ZNF638: variants seen among roughly 807,000 people sequenced by gnomAD.
ZNF638 encodes CTCL tumor antigen se33-1.
In ZNF638, 46 loss-of-function variants were observed where a neutral mutation model predicts 195.6. The ratio of observed to expected loss-of-function variants is 0.24; its 90% confidence interval spans 0.19 to 0.30. The LOEUF is 0.30. Among genes scored for constraint, ZNF638 ranks in the 10% least tolerant of loss-of-function variants. The pLI, the probability that ZNF638 is intolerant of heterozygous loss-of-function variation, is 1.00. For synonymous variants in ZNF638, 845 were observed against 772.0 expected (o/e 1.09, Z -1.57); for missense variants, 2,440 against 2,325.3 (o/e 1.05, Z -1.01).
Position 71,427,272 on chromosome 2 carries a change from T to C in ZNF638, c.5403T>C (p.His1801=). The change falls in exon 24 of 28, where the codon CAT becomes CAC. Residue 1801 remains histidine (H), a synonymous_variant. Transcript: ENST00000264447. ...KVELAQSKND[H]PTDKKGNRKK... is the part of the protein sequence containing the mutation. ...AGTTAGCACAAAGCAAAAATGACCA[T>C]CCCACAGATAAAAAAGGGAATAGAA... is the stretch of plus-strand genomic sequence containing the variant. 1 of 1,613,264 alleles carries C rather than the reference T, an allele frequency of 6.2e-7. No individual in the cohort carries two copies. Among genetic ancestry groups the C allele is most frequent in the Admixed American group, 1.7e-5 (1 of 59,906 alleles).
At chr2:71,339,840 C>T (rs759376727) in intron 1 of ZNF638, among the ~76,000 whole-genome samples, 2 of 152,086 alleles carry the variant, frequency 1.3e-5, no homozygotes, top group African/African-American at 4.8e-5. Flanking sequence ...TAACCTGTTA[C>T]ACTTACTAGG....
At chr2:71,340,006 A>G (rs1032647637) in intron 1 of ZNF638, among the ~76,000 whole-genome samples, 5 of 152,166 alleles carry the variant, frequency 3.3e-5, no homozygotes, top group Admixed American at 3.3e-4. Context: ...TCAAAAAATC[A>G]TTTTCCTGAA....
intron 6 of ZNF638, 50 bp from the exon 7 acceptor site, chr2:71,368,332 A>T: frequency 1.3e-6 from 2 of 1,545,526 alleles, no homozygotes; most frequent in Non-Finnish European, 8.8e-7. Context: ...ATTACTGTAC[A>T]TTGTAGCTTA....
chr2:71,434,309 A>C (rs2080724087), intron 27 of ZNF638, among the ~76,000 whole-genome samples: 1 of 152,022 alleles, frequency 6.6e-6, no homozygotes, highest in Non-Finnish European at 1.5e-5. Flanking sequence ...CCAGTTCTTC[A>C]TGTTTTTCGT....
At chr2:71,406,330 A>C (rs978512137) in intron 19 of ZNF638, 68 bp downstream of exon 19, 1 of 1,393,674 alleles carries the variant, frequency 7.2e-7, no homozygotes, top group African/African-American at 1.4e-5. Flanking sequence ...GTATTCTGAC[A>C]ATCTGCAACT....
In ZNF638 at chr2:71,369,919, G is replaced by A; in HGVS notation, c.2179G>A (p.Ala727Thr). Residue 727 changes from alanine to threonine, a missense_variant, in exon 8 of 28, where the codon GCA becomes ACA. Ala to Thr is a moderately conservative substitution (Grantham distance 58). Coordinates refer to ENST00000264447, the MANE Select transcript of ZNF638 (RefSeq NM_014497.5). The part of the protein sequence containing the change: ...LEMEFKEAIT[A>T]IMKYIETTPL... ...AATGGAATTTAAAGAGGCAATTACT[G>A]CAATTATGAAGTACATTGAAACAAC... The A allele has an allele frequency of 1.3e-6, 2 of 1,591,984 alleles. No homozygotes were observed. Among genetic ancestry groups the A allele is most frequent in the Non-Finnish European group, 1.7e-6 (2 of 1,172,482 alleles).
chr2:71,406,325 C>T (rs2080104526), intron 19 of ZNF638, 63 bp downstream of exon 19: 1 of 1,442,668 alleles, frequency 6.9e-7, no homozygotes, highest in African/African-American at 1.4e-5. Context: ...ACCCTGTATT[C>T]TGACAATCTG....
At chr2:71,334,757 A>C (rs2078634044) in intron 1 of ZNF638, among the ~76,000 whole-genome samples, 1 of 151,962 alleles carries the variant, frequency 6.6e-6, no homozygotes, top group Non-Finnish European at 1.5e-5. Flanking sequence ...ATCTCTACTA[A>C]AAATAGAAAA....
At chr2:71,367,549 CCTGCCTT>C (rs1460834119) in intron 6 of ZNF638, among the ~76,000 whole-genome samples, 1 of 151,202 alleles carries the variant, frequency 6.6e-6, no homozygotes, top group Non-Finnish European at 1.5e-5. Context: ...TCTCCTGCCT[CCTGCCTT>C]AGCCTCCTGA....
chr2:71,404,426 T>C (rs901347024), intron 17 of ZNF638, among the ~76,000 whole-genome samples: 3 of 152,292 alleles, frequency 2.0e-5, no homozygotes, highest in South Asian at 4.1e-4. Flanking sequence ...AAACTCTTAC[T>C]GGTCCAGGTA....
rs2080475307 is a variant in ZNF638, at chr2:71,423,597, A to G, written c.4083A>G (p.Ala1361=). ...EKPAENTLFK[A]YPNKGVGQAN... is the part of the protein sequence containing the mutation. ...CTGCAGAAAACACTTTATTCAAGGC[A>G]TACCCAAATAAAGGAGTGGGTCAGG... The change falls in exon 22 of 28, where the codon GCA becomes GCG. Residue 1361 remains alanine, a synonymous_variant. Coordinates refer to ENST00000264447, the MANE Select transcript of ZNF638 (RefSeq NM_014497.5). 1.2e-6 allele frequency: 2 copies of G among 1,614,120 alleles called. No individual in the cohort carries two copies. The highest frequency in any genetic ancestry group is 1.3e-5 in the African/African-American group (1 of 75,070).
At position 71,434,653 on chromosome 2, in the gene ZNF638, TTTAAA is replaced by T. The variant is rs1218864388; in HGVS notation, c.5872-85_5872-81del. ...ATAATATTTTGTAGGATCAGTTTCT[TTTAAA>T]TTATAAATATACAGTAGATAAGTTT... On this transcript the variant is annotated intron_variant, in intron 27 of 27. Transcript: ENST00000264447. 9.1e-6 allele frequency: 10 copies of T among 1,103,298 alleles called. 1 individual carries two copies. Among genetic ancestry groups the T allele is most frequent in the African/African-American group, 8.1e-5 (5 of 61,896 alleles). The allele number at this position is 1,103,298 out of a possible 1,614,324, so 68.3% of individuals were successfully genotyped here. A position where few individuals can be genotyped will look rare whatever the true frequency, so the allele number is the denominator to read the frequency against.
At chr2:71,428,741 A>C in intron 25 of ZNF638, 90 bp downstream of exon 25, 1 of 1,131,164 alleles carries the variant, frequency 8.8e-7, no homozygotes. Flanking sequence ...GAAAAGTAGA[A>C]AATCAGTGGA....
chr2:71,398,158 A>C (rs1373100054), intron 11 of ZNF638, among the ~76,000 whole-genome samples: 2 of 152,170 alleles, frequency 1.3e-5, no homozygotes, highest in Non-Finnish European at 2.9e-5. Context: ...CCCTTATCCA[A>C]AATGGTTGGG....
At chr2:71,346,678 G>A (rs2670752) in intron 1 of ZNF638, among the ~76,000 whole-genome samples, 137,312 of 152,100 alleles carry the variant, frequency 0.9, 62,051 homozygotes, top group Admixed American at 0.93. Context: ...CCATGTGTGT[G>A]TGAGTGCAAA....
intron 1 of ZNF638, among the ~76,000 whole-genome samples, chr2:71,335,370 A>G (rs1390675998): frequency 1.3e-5 from 2 of 152,208 alleles, no homozygotes; most frequent in Non-Finnish European, 2.9e-5. Context: ...CCTAAGGAAC[A>G]TATATTTTGG....
intron 20 of ZNF638, among the ~76,000 whole-genome samples, chr2:71,417,667 T>C (rs911970015): frequency 1.3e-5 from 2 of 152,118 alleles, no homozygotes; most frequent in Non-Finnish European, 2.9e-5. Flanking sequence ...AGGGTTTTTT[T>C]TTTTTTCTCT....
chr2:71,360,623 T>G (rs2079093325), intron 3 of ZNF638, among the ~76,000 whole-genome samples: 1 of 152,138 alleles, frequency 6.6e-6, no homozygotes, highest in Non-Finnish European at 1.5e-5. Flanking sequence ...GTGGTGTTGA[T>G]TTTTTCCTTG....
At chr2:71,428,724 C>T in intron 25 of ZNF638, 73 bp downstream of exon 25, 1 of 1,327,018 alleles carries the variant, frequency 7.5e-7, no homozygotes, top group Non-Finnish European at 1.1e-6. Context: ...AAAGATCTAT[C>T]TAAGAAGAAA....
Sources: gnomAD v4.1 joint callset for allele counts (sites outside exome capture counted in the v4.1 genomes callset) on GRCh38, gnomAD v4.1.1 for gene constraint, MANE v1.5 for transcripts, NCBI Gene and HGNC (gene_info 2026-07-23, HGNC 2026-07-21) for gene names.